Variants in MIA3 observed in about 807,000 individuals in gnomAD.
The protein encoded by MIA3 is MIA SH3 domain ER export factor 3.
MIA3 carries 90 observed loss-of-function variants against 192.4 expected under a neutral mutation model. The observed-to-expected ratio is 0.47, with a 90% CI of 0.39 to 0.56. The LOEUF is 0.56. Ranked by LOEUF, MIA3 falls within the 20% of genes least tolerant of loss-of-function variation. The probability of loss-of-function intolerance (pLI) is 0.00; values close to 1 mark genes in which losing one functional copy is unlikely to be tolerated. For synonymous variants in MIA3, 740 were observed against 792.8 expected (o/e 0.93, Z 1.12); for missense variants, 2,123 against 2,269.4 (o/e 0.94, Z 1.31).
rs781658821 is a variant in MIA3 at position 222,628,087 on chromosome 1, T to C, written c.867T>C (p.Asp289=). ...CAACAGCTGATGCACTTGTATCTGATGATGAGACAACCAGACTCGTTACTT... is the reference window on the plus strand; with the variant it reads ...CAACAGCTGATGCACTTGTATCTGACGATGAGACAACCAGACTCGTTACTT... ...FGSTADALVS[D]DETTRLVTSL... The change falls in exon 4 of 28, where the codon GAT becomes GAC. Residue 289 remains aspartate, a synonymous_variant. Transcript: ENST00000344922. 14 of 1,614,014 alleles carry C rather than the reference T, an allele frequency of 8.7e-6. No homozygotes were observed. Among genetic ancestry groups the C allele is most frequent in the African/African-American group, 2.7e-5 (2 of 74,946 alleles).
chr1:222,651,027 C>G, intron 11 of MIA3, 124 bp downstream of exon 11: 1 of 597,076 alleles, frequency 1.7e-6, no homozygotes, highest in South Asian at 2.3e-5. Flanking sequence ...GAAGTTGAAC[C>G]TACTTCTGTC....
Position 222,633,215 on chromosome 1 carries a change from T to C in MIA3, c.3443T>C (p.Leu1148Pro), listed in dbSNP as rs1662482557. 6.2e-7 allele frequency: 1 copy of C among 1,611,764 alleles called. No individual in the cohort carries two copies. The highest frequency in any genetic ancestry group is 1.1e-5 in the South Asian group (1 of 90,286). ...SVTPLENAILLIYSFMFYLTK... is the reference protein window; with the variant it reads ...SVTPLENAILPIYSFMFYLTK... ...ACACCTTTGGAAAACGCAATCCTTCTAATATATTCATTCATGTTTTATTTA... is the reference window on the plus strand; with the variant it reads ...ACACCTTTGGAAAACGCAATCCTTCCAATATATTCATTCATGTTTTATTTA... Residue 1148 changes from leucine (L) to proline (P), a missense_variant, in exon 6 of 28, where the codon CTA (leucine) becomes CCA (proline). Leu to Pro is a moderately conservative substitution (Grantham distance 98, BLOSUM62 -3). This residue lies in a region of MIA3 where 1,357 missense variants were observed against 1,396.1 expected (regional missense o/e 0.97). Coordinates refer to ENST00000344922, the MANE Select transcript of MIA3 (RefSeq NM_198551.4).
At chr1:222,651,457 G>T (rs544358088) in intron 11 of MIA3, among the ~76,000 whole-genome samples, 2 of 151,582 alleles carry the variant, frequency 1.3e-5, no homozygotes, top group African/African-American at 4.8e-5. Context: ...AAAAGTGAAG[G>T]GTTATGCTCC....
In MIA3 at chr1:222,633,180, G is replaced by A. The variant is rs199522239; in HGVS notation, c.3408G>A (p.Pro1136=). 85 of 1,614,002 alleles carry A rather than the reference G, an allele frequency of 5.3e-5. No individual in the cohort carries two copies. The highest frequency in any genetic ancestry group is 4.3e-4 in the African/African-American group (32 of 75,016). ...NKQPETAAEE[P]ASVTPLENAI... is the part of the protein sequence containing the mutation. ...AACCAGAGACAGCCGCCGAAGAGCCGGCAAGTGTCACACCTTTGGAAAACG... is the reference window on the plus strand; with the variant it reads ...AACCAGAGACAGCCGCCGAAGAGCCAGCAAGTGTCACACCTTTGGAAAACG... The change falls in exon 6 of 28, where the codon CCG becomes CCA. Residue 1136 remains proline (P), a synonymous_variant. Coordinates refer to ENST00000344922, the MANE Select transcript of MIA3 (RefSeq NM_198551.4).
In MIA3 at chr1:222,654,855, TATAG is replaced by T. The variant is rs201913270; in HGVS notation, c.4607+66_4607+69del. ...ATGTCAGTAAATAAATGTGTACTAA[TATAG>T]ATAATGTTATCGTTTTTCAGGATTG... On this transcript the variant is annotated intron_variant, in intron 18 of 27. Coordinates refer to ENST00000344922, the MANE Select transcript of MIA3 (RefSeq NM_198551.4). 9.5e-4 allele frequency: 1,274 copies of T among 1,340,532 alleles called. 7 individuals carry two copies. The African/African-American group carries it at 0.016, about 17-fold the overall frequency. The allele number at this position is 1,340,532 out of a possible 1,614,324, so 83.0% of individuals were successfully genotyped here.
chr1:222,629,419 T>G lies in MIA3; in HGVS notation c.2199T>G (p.Asp733Glu). The G allele has an allele frequency of 6.2e-7, 1 of 1,614,124 alleles. No individual in the cohort carries two copies. Among genetic ancestry groups the G allele is most frequent in the East Asian group, 2.2e-5 (1 of 44,880 alleles). ...ATCCCTCTGAAGAACTACTAGAGGA[T>G]GAAAACGCTATAAATGCAAAACGGT... The part of the protein sequence containing the change: ...DDYPSEELLE[D>E]ENAINAKRSK... Residue 733 changes from aspartate to glutamate, a missense_variant, in exon 4 of 28, where the codon GAT becomes GAG. Physicochemically the swap from Asp to Glu is conservative, Grantham distance 45. This residue lies in a region of MIA3 where 1,357 missense variants were observed against 1,396.1 expected (regional missense o/e 0.97). Transcript: ENST00000344922.
intron 6 of MIA3, among the ~76,000 whole-genome samples, chr1:222,642,588 T>C (rs1662911709): frequency 6.6e-6 from 1 of 152,184 alleles, no homozygotes; most frequent in Non-Finnish European, 1.5e-5. Flanking sequence ...AGTAGGATTG[T>C]TGAGTCAGTA....
At chr1:222,643,484 A>C (rs920711324) in intron 6 of MIA3, among the ~76,000 whole-genome samples, 4 of 152,062 alleles carry the variant, frequency 2.6e-5, no homozygotes, top group African/African-American at 9.7e-5. Context: ...TTCTTGCTTG[A>C]TTGTTCCTCT....
chr1:222,658,920 G>A (rs1663869300), intron 19 of MIA3, 97 bp downstream of exon 19: 1 of 715,190 alleles, frequency 1.4e-6, no homozygotes, highest in Non-Finnish European at 2.4e-6. Flanking sequence ...TAGAGGACAT[G>A]AATACATCAA....
intron 3 of MIA3, 73 bp from the exon 4 acceptor site, chr1:222,627,502 C>G (rs576107356): frequency 8.1e-7 from 1 of 1,240,806 alleles, no homozygotes; most frequent in Non-Finnish European, 1.1e-6. Context: ...TTATCTCAAT[C>G]ATTAACGTGG....
intron 7 of MIA3, 61 bp downstream of exon 7, chr1:222,645,746 CT>C (rs1372046929): frequency 1.4e-6 from 2 of 1,429,694 alleles, no homozygotes; most frequent in African/African-American, 2.9e-5. Context: ...AATCACAGTC[CT>C]TTTGTTTCTT....
At chr1:222,664,314 A>G (rs896708932) in intron 27 of MIA3, among the ~76,000 whole-genome samples, 166 bp downstream of exon 27, 2 of 152,220 alleles carry the variant, frequency 1.3e-5, no homozygotes, top group African/African-American at 2.4e-5. Context: ...AGGGTGCTAC[A>G]TAATCTCCTG....
At chr1:222,644,481 C>T (rs1422543608) in intron 6 of MIA3, 4 of 1,550,586 alleles carry the variant, frequency 2.6e-6, no homozygotes, top group Non-Finnish European at 3.5e-6. Context: ...ACACAATGGA[C>T]TCAGTACCTG....
chr1:222,624,779 T>C lies in MIA3; in HGVS notation c.279T>C (p.Thr93=). The C allele has an allele frequency of 6.4e-7, 1 of 1,572,480 alleles. No individual in the cohort carries two copies. The highest frequency in any genetic ancestry group is 8.7e-7 in the Non-Finnish European group (1 of 1,143,472). Residue 93 remains threonine, a synonymous_variant, in exon 3 of 28, where the codon ACT becomes ACC. Coordinates refer to ENST00000344922, the MANE Select transcript of MIA3 (RefSeq NM_198551.4). ...PEVWAGSVGR[T]FGYFPKDLIQ... is the part of the protein sequence containing the mutation. ...ATTCTTTTGTGTAGGTTGGACGCACTTTTGGATATTTTCCAAAAGATTTAA... is the reference window on the plus strand; with the variant it reads ...ATTCTTTTGTGTAGGTTGGACGCACCTTTGGATATTTTCCAAAAGATTTAA...
chr1:222,662,002 T>A, intron 24 of MIA3, 54 bp from the exon 25 acceptor site: 1 of 1,459,982 alleles, frequency 6.8e-7, no homozygotes, highest in Non-Finnish European at 9.5e-7. Context: ...CTGTCCACAA[T>A]TTATTATTTC....
chr1:222,644,647 A>G, intron 6 of MIA3: 2 of 1,517,380 alleles, frequency 1.3e-6, no homozygotes, highest in Non-Finnish European at 1.8e-6. Flanking sequence ...ATGAGTTCTA[A>G]GCAGAGTGGG....
intron 7 of MIA3, among the ~76,000 whole-genome samples, chr1:222,647,706 C>T (rs1240862317): frequency 6.6e-6 from 1 of 152,116 alleles, no homozygotes; most frequent in African/African-American, 2.4e-5. Flanking sequence ...GGCTCTGTGT[C>T]CTAACTGCTG....
rs781214080 is a variant in MIA3 at position 222,653,287 on chromosome 1, T to G, written c.4269T>G (p.Gly1423=). 2 of 1,613,968 alleles carry G rather than the reference T, an allele frequency of 1.2e-6. 1 individual carries two copies. Among genetic ancestry groups the G allele is most frequent in the South Asian group, 2.2e-5 (2 of 91,072 alleles). The change falls in exon 15 of 28, where the codon GGT becomes GGG. Residue 1423 remains glycine, a synonymous_variant. Coordinates refer to ENST00000344922, the MANE Select transcript of MIA3 (RefSeq NM_198551.4). ...NLLECESESE[G]QNKGGNDSDE... ...TAGAGTGTGAATCTGAATCTGAGGG[T>G]CAAAATAAAGGTGGAAATGATTCAG... is the stretch of plus-strand genomic sequence containing the variant.
chr1:222,664,659 C>T (rs1664188360), intron 27 of MIA3, among the ~76,000 whole-genome samples: 1 of 152,126 alleles, frequency 6.6e-6, no homozygotes, highest in Non-Finnish European at 1.5e-5. Context: ...ATGAATGCTG[C>T]TGAATTTAAT....
Sources: allele counts gnomAD v4.1 joint callset (sites outside exome capture counted in the v4.1 genomes callset), GRCh38; gene constraint gnomAD v4.1.1; regional missense constraint gnomAD v4.1.1; transcripts MANE v1.5; gene names NCBI Gene and HGNC (gene_info 2026-07-23, HGNC 2026-07-21).